Variants in REDIC1 observed in about 807,000 individuals in gnomAD.
REDIC1 encodes regulator of DNA class I crossover intermediates 1.
At chr12:39,706,937 T>G in the REDIC1 span, among the ~76,000 whole-genome samples, 45 of 152,058 alleles carry the variant, frequency 3.0e-4, 1 homozygote, top group South Asian at 9.3e-3. Flanking sequence ...CCCAGGACAT[T>G]CCTTTGGGTA....
At chr12:39,805,225 G>C in the REDIC1 span, among the ~76,000 whole-genome samples, 1 of 152,206 alleles carries the variant, frequency 6.6e-6, no homozygotes, top group Admixed American at 6.5e-5. Flanking sequence ...TAAATGATGT[G>C]AGAAGCCACG....
the REDIC1 span, among the ~76,000 whole-genome samples, chr12:39,808,979 G>T: frequency 6.6e-6 from 1 of 151,830 alleles, no homozygotes; most frequent in South Asian, 2.1e-4. Flanking sequence ...CTATCTACTT[G>T]CTTACCCTGA....
At chr12:39,665,459 T>G in the REDIC1 span, among the ~76,000 whole-genome samples, 1 of 150,622 alleles carries the variant, frequency 6.6e-6, no homozygotes, top group African/African-American at 2.4e-5. Context: ...AGTACCATGC[T>G]GTTTTGTTTA....
chr12:39,843,083 G>A, the REDIC1 span, among the ~76,000 whole-genome samples: 3 of 151,952 alleles, frequency 2.0e-5, no homozygotes, highest in Non-Finnish European at 4.4e-5. Flanking sequence ...ATGAACATTT[G>A]TGTAGAAGAT....
At chr12:39,828,090 T>C in the REDIC1 span, among the ~76,000 whole-genome samples, 1 of 152,144 alleles carries the variant, frequency 6.6e-6, no homozygotes, top group African/African-American at 2.4e-5. Flanking sequence ...TTATATATAC[T>C]GAATATTATT....
the REDIC1 span, among the ~76,000 whole-genome samples, chr12:39,683,666 T>G: frequency 6.6e-6 from 1 of 151,488 alleles, no homozygotes; most frequent in South Asian, 2.1e-4. Context: ...GAGAGTGTGG[T>G]GCTCATATTT....
chr12:39,702,642 T>A, the REDIC1 span, among the ~76,000 whole-genome samples: 5 of 152,040 alleles, frequency 3.3e-5, no homozygotes, highest in Non-Finnish European at 7.4e-5. Flanking sequence ...AAAAGAGAAT[T>A]TTAGACCAAT....
the REDIC1 span, among the ~76,000 whole-genome samples, chr12:39,827,138 C>T: frequency 6.6e-6 from 1 of 151,930 alleles, no homozygotes; most frequent in East Asian, 2.0e-4. Flanking sequence ...CATGTGGATT[C>T]CTAACATGCC....
At chr12:39,896,330 A>G in the REDIC1 span, among the ~76,000 whole-genome samples, 7 of 141,310 alleles carry the variant, frequency 5.0e-5, no homozygotes, top group South Asian at 2.2e-4. Context: ...GTATATGTGT[A>G]TATATGTATA....
chr12:39,733,069 G>GCGCA, the REDIC1 span, among the ~76,000 whole-genome samples: 1 of 148,350 alleles, frequency 6.7e-6, no homozygotes, highest in African/African-American at 2.5e-5. Flanking sequence ...GCAGAAAAAT[G>GCGCA]CACACACACA....
At chr12:39,811,332 C>CTT in the REDIC1 span, among the ~76,000 whole-genome samples, 834 of 152,062 alleles carry the variant, frequency 5.5e-3, 7 homozygotes, top group African/African-American at 0.019. Context: ...ACCATTATAT[C>CTT]TTTCCTTCTA....
chr12:39,670,401 C>T, the REDIC1 span, among the ~76,000 whole-genome samples: 119,544 of 151,660 alleles, frequency 0.79, 47,812 homozygotes, highest in Non-Finnish European at 0.86. Flanking sequence ...ATGTTGGCCA[C>T]ACTGGTCTTG....
At chr12:39,838,055 G>A in the REDIC1 span, among the ~76,000 whole-genome samples, 2 of 148,870 alleles carry the variant, frequency 1.3e-5, no homozygotes, top group Non-Finnish European at 3.0e-5. Flanking sequence ...TATTTATTGT[G>A]GCATTATTCA....
At chr12:39,754,733 A>T in the REDIC1 span, among the ~76,000 whole-genome samples, 1 of 152,098 alleles carries the variant, frequency 6.6e-6, no homozygotes, top group Non-Finnish European at 1.5e-5. Flanking sequence ...TCATGTCAAC[A>T]TCTGGTTCTG....
chr12:39,666,030 C>G, the REDIC1 span, among the ~76,000 whole-genome samples: 2 of 152,204 alleles, frequency 1.3e-5, no homozygotes, highest in South Asian at 4.2e-4. Context: ...ATTTAACTTC[C>G]TCTTTTCCTA....
the REDIC1 span, among the ~76,000 whole-genome samples, chr12:39,762,749 G>C: frequency 6.6e-6 from 1 of 151,996 alleles, no homozygotes; most frequent in Non-Finnish European, 1.5e-5. Context: ...GACACAAAAA[G>C]GGAGAAAAAC....
At chr12:39,651,511 CA>C in the REDIC1 span, among the ~76,000 whole-genome samples, 1 of 152,068 alleles carries the variant, frequency 6.6e-6, no homozygotes, top group Non-Finnish European at 1.5e-5. Flanking sequence ...TTGCTAAAGC[CA>C]AAATAAAAGT....
chr12:39,672,800 G>A, the REDIC1 span, among the ~76,000 whole-genome samples: 1 of 152,246 alleles, frequency 6.6e-6, no homozygotes, highest in Admixed American at 6.5e-5. Context: ...GGGGCTCCAG[G>A]GATATGTAGA....
chr12:39,720,884 G>A, the REDIC1 span: 19 of 1,613,220 alleles, frequency 1.2e-5, no homozygotes, highest in Non-Finnish European at 1.6e-5. Flanking sequence ...TATGTAGAAA[G>A]GATGGCAAAA....
Sources: allele counts gnomAD v4.1 joint callset (sites outside exome capture counted in the v4.1 genomes callset), GRCh38; gene constraint gnomAD v4.1.1; transcripts MANE v1.5; gene names NCBI Gene and HGNC (gene_info 2026-07-23, HGNC 2026-07-21).